Variants in RBFOX1 observed in about 807,000 individuals in gnomAD.
RBFOX1 encodes RNA binding protein fox-1 homolog 1.
A neutral mutation model predicts 57.7 loss-of-function variants in RBFOX1; 8 were observed. The ratio of observed to expected loss-of-function variants is 0.14; its 90% confidence interval spans 0.08 to 0.25. The LOEUF (loss-of-function observed/expected upper bound fraction) is 0.25. Ranked by LOEUF, RBFOX1 falls within the 10% of genes least tolerant of loss-of-function variation. The pLI, the probability that RBFOX1 is intolerant of heterozygous loss-of-function variation, is 1.00. For synonymous variants in RBFOX1, 326 were observed against 222.4 expected, an observed-to-expected ratio of 1.47 and a Z score of -4.15; for missense variants, 611 against 548.5, an observed-to-expected ratio of 1.11 and a Z score of -1.14.
chr16:6,848,946 C>T (rs148224934), intron 3 of RBFOX1, among the ~76,000 whole-genome samples: 5 of 152,140 alleles, frequency 3.3e-5, no homozygotes, highest in Admixed American at 1.3e-4. Flanking sequence ...CTGGGTAATT[C>T]TACCTTGCTT....
At chr16:7,385,588 T>C (rs116771338) in intron 4 of RBFOX1, among the ~76,000 whole-genome samples, 1,862 of 152,196 alleles carry the variant, frequency 0.012, 38 homozygotes, top group African/African-American at 0.043. Context: ...TTTGCCAAGA[T>C]GGAAGATAGA....
At chr16:7,529,410 C>A (rs1051332508) in intron 5 of RBFOX1, among the ~76,000 whole-genome samples, 1 of 152,208 alleles carries the variant, frequency 6.6e-6, no homozygotes, top group Non-Finnish European at 1.5e-5. Context: ...TACAAAATTA[C>A]AAGCGTGATG....
At chr16:7,333,080 C>T (rs1064794750) in intron 4 of RBFOX1, 8 of 1,613,664 alleles carry the variant, frequency 5.0e-6, no homozygotes, top group Non-Finnish European at 5.1e-6. Context: ...CCTTCCTGGA[C>T]TGATTCAGGT....
At chr16:6,233,435 C>T (rs1258990865) in intron 1 of RBFOX1, among the ~76,000 whole-genome samples, 1 of 152,104 alleles carries the variant, frequency 6.6e-6, no homozygotes, top group Non-Finnish European at 1.5e-5. Flanking sequence ...CTCCACACCG[C>T]AACCCAAACA....
chr16:6,769,200 A>G (rs1248600315), intron 3 of RBFOX1, among the ~76,000 whole-genome samples: 5 of 152,032 alleles, frequency 3.3e-5, no homozygotes, highest in African/African-American at 9.7e-5. Context: ...ATGAGATCCG[A>G]TGGTTTTATA....
At chr16:6,656,173 A>G (rs755352222) in intron 3 of RBFOX1, among the ~76,000 whole-genome samples, 3 of 152,294 alleles carry the variant, frequency 2.0e-5, no homozygotes, top group Middle Eastern at 3.4e-3. Context: ...TCTTCTACCA[A>G]TGTTCTGCCC....
intron 4 of RBFOX1, among the ~76,000 whole-genome samples, chr16:7,094,128 T>G (rs999546605): frequency 3.3e-5 from 5 of 151,328 alleles, no homozygotes; most frequent in African/African-American, 4.9e-5. Context: ...GAGTGGTGTT[T>G]CACTTACCTT....
At chr16:5,443,219 A>T (rs937798555) in intron 1 of RBFOX1, among the ~76,000 whole-genome samples, 4 of 152,180 alleles carry the variant, frequency 2.6e-5, no homozygotes, top group Admixed American at 1.3e-4. Context: ...TGCTCATTTT[A>T]GAGATAGGAA....
At chr16:7,120,697 A>G (rs979820243) in intron 4 of RBFOX1, among the ~76,000 whole-genome samples, 125 of 149,320 alleles carry the variant, frequency 8.4e-4, no homozygotes, top group African/African-American at 2.7e-3. Context: ...ATGTTGGGAA[A>G]AAAAAAAAAA....
chr16:5,436,837 CAA>C (rs759781269), intron 1 of RBFOX1, among the ~76,000 whole-genome samples: 4 of 132,914 alleles, frequency 3.0e-5, no homozygotes, highest in Non-Finnish European at 6.5e-5. Context: ...GACTCCGCTT[CAA>C]AAAAAAAAAA....
At chr16:5,590,318 C>G (rs2046966046) in intron 2 of RBFOX1, among the ~76,000 whole-genome samples, 1 of 152,120 alleles carries the variant, frequency 6.6e-6, no homozygotes, top group South Asian at 2.1e-4. Flanking sequence ...ATTTTAACAT[C>G]TGGGAATAGG....
chr16:6,464,962 C>G (rs531891682), intron 2 of RBFOX1, among the ~76,000 whole-genome samples: 1 of 152,342 alleles, frequency 6.6e-6, no homozygotes, highest in South Asian at 2.1e-4. Flanking sequence ...GGGCAAATCA[C>G]TTACTAGCTC....
At chr16:7,215,244 G>A (rs1284260091) in intron 4 of RBFOX1, among the ~76,000 whole-genome samples, 1 of 152,202 alleles carries the variant, frequency 6.6e-6, no homozygotes, top group Non-Finnish European at 1.5e-5. Flanking sequence ...TTCAACCACT[G>A]TGGAAGAAAG....
At chr16:6,849,184 T>C (rs1180124355) in intron 3 of RBFOX1, among the ~76,000 whole-genome samples, 1 of 152,200 alleles carries the variant, frequency 6.6e-6, no homozygotes, top group African/African-American at 2.4e-5. Context: ...CTCTTGAATG[T>C]AGAGGAAAAA....
At chr16:7,264,702 A>G (rs10852681) in intron 4 of RBFOX1, among the ~76,000 whole-genome samples, 22,305 of 152,130 alleles carry the variant, frequency 0.15, 1,935 homozygotes, top group East Asian at 0.27. Flanking sequence ...ATTTTTCTCA[A>G]CTTTTTTTTT....
chr16:7,482,727 C>T (rs1410612164), intron 4 of RBFOX1, among the ~76,000 whole-genome samples: 1 of 151,756 alleles, frequency 6.6e-6, no homozygotes, highest in African/African-American at 2.4e-5. Flanking sequence ...AAGGAATTTT[C>T]CTTCCTGGGC....
intron 4 of RBFOX1, chr16:7,510,147 G>A: frequency 1.0e-6 from 1 of 985,696 alleles, no homozygotes; most frequent in South Asian, 4.7e-5. Context: ...GGTCAGCCAG[G>A]CGGCCTCAGC....
chr16:7,159,626 A>C (rs990398042), intron 4 of RBFOX1, among the ~76,000 whole-genome samples: 1 of 152,146 alleles, frequency 6.6e-6, no homozygotes, highest in South Asian at 2.1e-4. Context: ...TCTCCCGCTT[A>C]TCGTGTGTGT....
At chr16:7,625,316 C>A (rs1246318112) in intron 10 of RBFOX1, among the ~76,000 whole-genome samples, 2 of 152,150 alleles carry the variant, frequency 1.3e-5, no homozygotes, top group Non-Finnish European at 2.9e-5. Flanking sequence ...AAAGCTTGCC[C>A]ACCCAGCCCT....
Sources: gnomAD v4.1 joint callset for allele counts (sites outside exome capture counted in the v4.1 genomes callset) on GRCh38, gnomAD v4.1.1 for gene constraint, MANE v1.5 for transcripts, NCBI Gene and HGNC (gene_info 2026-07-23, HGNC 2026-07-21) for gene names.